The following STRBP variants were observed in gnomAD, a reference collection of about 807,000 sequenced individuals.
STRBP encodes the protein spermatid perinuclear RNA-binding protein.
STRBP carries 13 observed loss-of-function variants against 80.1 expected under a neutral mutation model. The observed-to-expected ratio is 0.16, with a 90% CI of 0.11 to 0.26. The LOEUF is 0.26. Ranked by LOEUF, STRBP falls within the 10% of genes least tolerant of loss-of-function variation. STRBP has a pLI of 1.00. For missense variants in STRBP, 485 were observed against 815.2 expected, an observed-to-expected ratio of 0.59 and a Z score of 4.93; for synonymous variants, 284 against 291.2, an observed-to-expected ratio of 0.98 and a Z score of 0.25.
chr9:123,182,524 A>G (rs1159015747), intron 3 of STRBP, among the ~76,000 whole-genome samples: 1 of 152,258 alleles, frequency 6.6e-6, no homozygotes, highest in South Asian at 2.1e-4. Flanking sequence ...AATAATTCAC[A>G]TGGTAAGATA....
chr9:123,153,545 A>C (rs189379437), intron 11 of STRBP, among the ~76,000 whole-genome samples: 414 of 152,258 alleles, frequency 2.7e-3, no homozygotes, highest in Middle Eastern at 0.017. Context: ...GGGTGAATGA[A>C]AGAGGGGATT....
Position 123,115,036 on chromosome 9 carries a change from G to A in STRBP, c.*84+893C>T, listed in dbSNP as rs573543019. On this transcript the variant is annotated intron_variant and NMD_transcript_variant, in intron 3 of 3. Transcript: ENST00000471564. This position sits in a 1 kb window ranked among gnomAD's most constrained non-coding sequence, Gnocchi z 5.0. ...CCTTGGCTATCCAACTGTCCCAATC[G>A]ACCCTCTGGAACTCACTATTGTGGA... 7.0e-5 allele frequency: 26 copies of A among 369,466 alleles called. 1 individual carries two copies. Among genetic ancestry groups the A allele is most frequent in the South Asian group, 4.7e-4 (22 of 47,210 alleles). The allele number at this position is 369,466 out of a possible 1,614,324, so 22.9% of individuals were successfully genotyped here.
intron 3 of STRBP, among the ~76,000 whole-genome samples, chr9:123,182,874 T>C (rs1171925046): frequency 4.6e-5 from 7 of 151,742 alleles, no homozygotes; most frequent in Non-Finnish European, 8.8e-5. Flanking sequence ...TTGCCAGATG[T>C]GGTGGCATGC....
chr9:123,111,000 T>G lies in STRBP; in HGVS notation c.*85-1247A>C, dbSNP rs536493858. ...ACCATGAAAAGTGATCGGGGGTAAG[T>G]AGAGGGATGCGTCTAATGGCAGCGG... On this transcript the variant is annotated intron_variant and NMD_transcript_variant, in intron 3 of 3. Coordinates refer to the STRBP transcript ENST00000471564. The surrounding 1 kb of genome is among the most constrained non-coding windows in gnomAD (Gnocchi z 4.1). The G allele has an allele frequency of 6.0e-6, 1 of 167,554 alleles. No individual in the cohort carries two copies. The highest frequency in any genetic ancestry group is 2.1e-4 in the South Asian group (1 of 4,834). 10.4% of individuals were successfully genotyped at this position (167,554 alleles called of 1,614,324 possible). A position where few individuals can be genotyped will look rare whatever the true frequency, so the allele number is the denominator to read the frequency against.
At chr9:123,200,762 T>TTTTTTTTTTTTTTTTTTTA (rs1554762956) in intron 2 of STRBP, among the ~76,000 whole-genome samples, 2 of 133,554 alleles carry the variant, frequency 1.5e-5, no homozygotes, top group African/African-American at 5.8e-5. Flanking sequence ...TTTTTTTTTT[T>TTTTTTTTTTTTTTTTTTTA]AGTAGAGACC....
At chr9:123,173,041 T>TGGGGTAGGCTGGCA (rs2038074727) in intron 5 of STRBP, among the ~76,000 whole-genome samples, 1 of 152,134 alleles carries the variant, frequency 6.6e-6, no homozygotes, top group South Asian at 2.1e-4. Flanking sequence ...AATGAGTCCT[T>TGGGGTAGGCTGGCA]GGGGTAGGCT....
chr9:123,196,343 A>G (rs986610497), intron 2 of STRBP, among the ~76,000 whole-genome samples: 2 of 152,186 alleles, frequency 1.3e-5, no homozygotes, highest in African/African-American at 2.4e-5. Context: ...GCCCCACAGC[A>G]AAGGCCACCA....
At chr9:123,203,882 G>A (rs2132515621) in intron 2 of STRBP, among the ~76,000 whole-genome samples, 1 of 152,218 alleles carries the variant, frequency 6.6e-6, no homozygotes, top group East Asian at 1.9e-4. Flanking sequence ...TGAGGCAGGA[G>A]AACTGCTTGA....
intron 11 of STRBP, among the ~76,000 whole-genome samples, chr9:123,157,291 A>G (rs557535856): frequency 6.6e-6 from 1 of 152,322 alleles, no homozygotes; most frequent in South Asian, 2.1e-4. Flanking sequence ...AAAGATAATC[A>G]AACTGATTAG....
intron 1 of STRBP, among the ~76,000 whole-genome samples, chr9:123,265,214 T>A (rs1787167825): frequency 1.3e-5 from 2 of 152,160 alleles, no homozygotes; most frequent in Admixed American, 1.3e-4. Flanking sequence ...ATATTTATAT[T>A]AACGGATTCC....
At chr9:123,240,972 G>A (rs1474623941) in intron 1 of STRBP, among the ~76,000 whole-genome samples, 1 of 151,962 alleles carries the variant, frequency 6.6e-6, no homozygotes, top group Non-Finnish European at 1.5e-5. Flanking sequence ...CTGTGGTTGG[G>A]AGTTCATGAC....
intron 4 of STRBP, among the ~76,000 whole-genome samples, chr9:123,177,499 G>C (rs1348984686): frequency 6.6e-6 from 1 of 152,068 alleles, no homozygotes; most frequent in East Asian, 1.9e-4. Flanking sequence ...CTTGAGCCCA[G>C]GAGTTCAAGG....
intron 6 of STRBP, among the ~76,000 whole-genome samples, chr9:123,165,849 G>A (rs1185451523): frequency 6.6e-6 from 1 of 152,086 alleles, no homozygotes; most frequent in African/African-American, 2.4e-5. Flanking sequence ...GGCCATGTGA[G>A]GGCTTTTAAA....
At chr9:123,170,366 G>T (rs1283361721) in intron 5 of STRBP, among the ~76,000 whole-genome samples, 6 of 152,180 alleles carry the variant, frequency 3.9e-5, no homozygotes, top group Admixed American at 2.0e-4. Context: ...ATGGTAAATT[G>T]TTGTTCTTAA....
At chr9:123,229,081 C>CA (rs1483281778) in intron 2 of STRBP, among the ~76,000 whole-genome samples, 1 of 152,142 alleles carries the variant, frequency 6.6e-6, no homozygotes, top group East Asian at 1.9e-4. Context: ...AAGCTAGTCA[C>CA]AAAAGACCAC....
intron 13 of STRBP, among the ~76,000 whole-genome samples, chr9:123,146,118 T>A (rs2036803810): frequency 6.6e-6 from 1 of 152,064 alleles, no homozygotes. Context: ...CATACTGTTA[T>A]ATGAAAGAAC....
chr9:123,161,464 T>C (rs1417772387), intron 6 of STRBP, among the ~76,000 whole-genome samples: 1 of 152,190 alleles, frequency 6.6e-6, no homozygotes, highest in Non-Finnish European at 1.5e-5. Context: ...ACAATTTTTT[T>C]AACAGAAGAA....
intron 1 of STRBP, among the ~76,000 whole-genome samples, chr9:123,266,984 C>T (rs557303562): frequency 3.1e-4 from 47 of 151,916 alleles, no homozygotes; most frequent in African/African-American, 1.1e-3. Flanking sequence ...CCGTTGTCCC[C>T]CTCTACTGAT....
At chr9:123,213,732 C>T (rs1234369895) in intron 2 of STRBP, 2 of 152,228 alleles carry the variant, frequency 1.3e-5, no homozygotes, top group African/African-American at 4.8e-5. Flanking sequence ...CGAGACCAGC[C>T]TGGCCAACAT....
Sources: allele counts gnomAD v4.1 joint callset (sites outside exome capture counted in the v4.1 genomes callset), GRCh38; gene constraint gnomAD v4.1.1; non-coding constraint Gnocchi (gnomAD v3.1); transcripts MANE v1.5; gene names NCBI Gene and HGNC (gene_info 2026-07-23, HGNC 2026-07-21).